Variants in SPAG16 observed in about 807,000 individuals in gnomAD.
SPAG16 encodes sperm associated antigen 16.
SPAG16 carries 86 observed loss-of-function variants against 80.4 expected under a neutral mutation model. That is an observed-to-expected ratio of 1.07 (90% confidence interval 0.90 to 1.28). The LOEUF (loss-of-function observed/expected upper bound fraction) is 1.28, where lower values mean the gene tolerates loss of function less well. Ranked by LOEUF, SPAG16 falls within the 50% of genes most tolerant of loss-of-function variation. The pLI, the probability that SPAG16 is intolerant of heterozygous loss-of-function variation, is 0.00. For missense variants in SPAG16, 870 were observed against 765.3 expected (o/e 1.14, Z -1.61); for synonymous variants, 294 against 265.9 (o/e 1.11, Z -1.03).
At chr2:213,927,387 C>T (rs1184863385) in intron 11 of SPAG16, among the ~76,000 whole-genome samples, 1 of 152,192 alleles carries the variant, frequency 6.6e-6, no homozygotes, top group Non-Finnish European at 1.5e-5. Flanking sequence ...TCTTAAAACA[C>T]ACTTTTTTGA....
In SPAG16 at chr2:214,406,136, G is replaced by T. The variant is rs572900748; in HGVS notation, c.1721-4004G>T. Among the ~76,000 whole-genome samples, 8 of 152,284 alleles carry T rather than the reference G, an allele frequency of 5.3e-5. No individual in the cohort carries two copies. The East Asian group carries it at 1.4e-3, about 26-fold the overall frequency. On this transcript the variant is annotated intron_variant, in intron 15 of 15. Transcript: ENST00000331683. ...AAAAAATTGCAATAATAAGCAGCAT[G>T]AATCTCAACCTTAAGGAGAACTTGG...
At position 213,392,347 on chromosome 2, in the gene SPAG16, CAG is replaced by C. The variant is rs765979493; in HGVS notation, c.942+17231_942+17232del. Among the ~76,000 whole-genome samples the C allele has an allele frequency of 3.9e-4, 59 of 152,184 alleles. No individual in the cohort carries two copies. The East Asian group carries it at 6.9e-3, about 18-fold the overall frequency. ...TTGCCTAAAGTGTCATTGCATAATG[CAG>C]AGTGACTCTGGCATCAACCAAGGAT... On this transcript the variant is annotated intron_variant, in intron 9 of 15. Coordinates refer to ENST00000331683, the MANE Select transcript of SPAG16 (RefSeq NM_024532.5).
chr2:213,772,025 A>G (rs2069280000), intron 10 of SPAG16, among the ~76,000 whole-genome samples: 1 of 152,142 alleles, frequency 6.6e-6, no homozygotes, highest in Non-Finnish European at 1.5e-5. Context: ...CATTGAATCT[A>G]TAAATTACTT....
chr2:213,368,628 C>A (rs1369370630), intron 8 of SPAG16, among the ~76,000 whole-genome samples: 1 of 152,068 alleles, frequency 6.6e-6, no homozygotes, highest in Non-Finnish European at 1.5e-5. Context: ...TCAAATTGTC[C>A]CTGTTTGCAG....
chr2:213,579,685 C>T (rs2060239517), intron 10 of SPAG16, among the ~76,000 whole-genome samples: 1 of 152,020 alleles, frequency 6.6e-6, no homozygotes, highest in African/African-American at 2.4e-5. Context: ...ATTTCGATGT[C>T]CCTTTACATT....
At chr2:213,566,477 A>G (rs2059770702) in intron 10 of SPAG16, among the ~76,000 whole-genome samples, 1 of 152,122 alleles carries the variant, frequency 6.6e-6, no homozygotes, top group Admixed American at 6.6e-5. Flanking sequence ...TTTGAGGAAA[A>G]AGGATCTTTT....
chr2:214,135,699 ATC>A (rs891227921), intron 14 of SPAG16, among the ~76,000 whole-genome samples: 28 of 140,924 alleles, frequency 2.0e-4, no homozygotes, highest in Admixed American at 6.3e-4. Flanking sequence ...AACTTCCTCT[ATC>A]TCTCTCTCTC....
chr2:213,936,741 C>G (rs1282309692), intron 12 of SPAG16, among the ~76,000 whole-genome samples: 2 of 152,278 alleles, frequency 1.3e-5, no homozygotes, highest in South Asian at 2.1e-4. Context: ...GCTTTTCCAA[C>G]CAGGTGTATC....
intron 10 of SPAG16, among the ~76,000 whole-genome samples, chr2:213,588,839 A>AAAAAAAAAAC (rs2060574489): frequency 6.9e-6 from 1 of 144,948 alleles, no homozygotes; most frequent in Admixed American, 6.8e-5. Flanking sequence ...AAAAAAAAAA[A>AAAAAAAAAAC]AAAAGACTCC....
intron 15 of SPAG16, among the ~76,000 whole-genome samples, chr2:214,151,341 T>C (rs2055963664): frequency 6.6e-6 from 1 of 152,012 alleles, no homozygotes; most frequent in African/African-American, 2.4e-5. Flanking sequence ...GAAATTATGT[T>C]CATCTCAAGA....
chr2:214,140,038 A>G (rs1342969199), intron 14 of SPAG16, among the ~76,000 whole-genome samples: 1 of 152,156 alleles, frequency 6.6e-6, no homozygotes, highest in Non-Finnish European at 1.5e-5. Context: ...TTATTATATT[A>G]CCTGAAATTC....
chr2:213,387,615 C>T (rs564370508), intron 9 of SPAG16, among the ~76,000 whole-genome samples: 245 of 143,354 alleles, frequency 1.7e-3, no homozygotes, highest in African/African-American at 6.0e-3. Flanking sequence ...CCACCACGCC[C>T]GGCTAATTTT....
intron 9 of SPAG16, among the ~76,000 whole-genome samples, chr2:213,408,749 T>G (rs1302698340): frequency 1.3e-5 from 2 of 152,206 alleles, no homozygotes; most frequent in Non-Finnish European, 2.9e-5. Context: ...AATTGCCTAA[T>G]AATTGGTCTG....
At chr2:214,086,329 T>C (rs185989050) in intron 13 of SPAG16, among the ~76,000 whole-genome samples, 52 of 152,350 alleles carry the variant, frequency 3.4e-4, no homozygotes, top group Non-Finnish European at 3.2e-4. Context: ...TAATTTATTA[T>C]GTACCAAGCA....
intron 10 of SPAG16, among the ~76,000 whole-genome samples, chr2:213,726,647 G>T (rs1301883602): frequency 6.6e-6 from 1 of 152,170 alleles, no homozygotes; most frequent in Non-Finnish European, 1.5e-5. Context: ...TTGGTATTTG[G>T]CATTTGCTTT....
rs149860327 is a variant in SPAG16, at chr2:213,859,167, A to G, written c.1071-3318A>G. Among the ~76,000 whole-genome samples the G allele has an allele frequency of 7.8e-3, 968 of 124,324 alleles. 19 individuals are homozygous for G. The highest frequency in any genetic ancestry group is 0.027 in the African/African-American group (890 of 32,502). The allele number at this position is 124,324 out of a possible 152,430, so 81.6% of individuals were successfully genotyped here. ...GCTCTCCAGTCTGGGCAACAGAGCG[A>G]CACTCCGTCTCAAAAAAAAAAAAAA... is the stretch of plus-strand genomic sequence containing the variant. On this transcript the variant is annotated intron_variant, in intron 10 of 15. Transcript: ENST00000331683.
At chr2:213,405,041 G>A (rs2068539477) in intron 9 of SPAG16, among the ~76,000 whole-genome samples, 1 of 152,112 alleles carries the variant, frequency 6.6e-6, no homozygotes, top group South Asian at 2.1e-4. Flanking sequence ...CTCCTATACA[G>A]TTATTTTACT....
chr2:213,790,156 TAATC>T (rs1298968426), intron 10 of SPAG16, among the ~76,000 whole-genome samples: 1 of 151,968 alleles, frequency 6.6e-6, no homozygotes, highest in Non-Finnish European at 1.5e-5. Flanking sequence ...TCTCATAAAT[TAATC>T]ATGAATTTTA....
intron 12 of SPAG16, among the ~76,000 whole-genome samples, chr2:213,996,378 G>A (rs1353081786): frequency 6.6e-6 from 1 of 152,064 alleles, no homozygotes; most frequent in Non-Finnish European, 1.5e-5. Context: ...TCATATTTAA[G>A]ACATATTTGA....
Sources: gnomAD v4.1 joint callset for allele counts (sites outside exome capture counted in the v4.1 genomes callset) on GRCh38, gnomAD v4.1.1 for gene constraint, MANE v1.5 for transcripts, NCBI Gene and HGNC (gene_info 2026-07-23, HGNC 2026-07-21) for gene names.